The following TMEM43 variants were observed in gnomAD, a reference collection of about 807,000 sequenced individuals.
TMEM43 encodes the protein arrhythmogenic right ventricular dysplasia 5.
TMEM43 carries 45 observed loss-of-function variants against 49.6 expected under a neutral mutation model. The ratio of observed to expected loss-of-function variants is 0.91; its 90% CI spans 0.71 to 1.16. The LOEUF (loss-of-function observed/expected upper bound fraction) is 1.16. Among genes scored for constraint, TMEM43 ranks in the 50% most tolerant of loss-of-function variants. The pLI is 0.00. For missense variants in TMEM43, 532 were observed against 516.6 expected, an observed-to-expected ratio of 1.03 and a Z score of -0.29; for synonymous variants, 199 against 207.8, an observed-to-expected ratio of 0.96 and a Z score of 0.36.
rs1369999042 is a variant in TMEM43 at position 14,142,713 on chromosome 3, T to C, written c.*918T>C. The C allele has an allele frequency of 6.6e-6, 1 of 152,644 alleles. No individual in the cohort carries two copies. The highest frequency in any genetic ancestry group is 1.5e-5 in the Non-Finnish European group (1 of 68,040). 9.5% of individuals were successfully genotyped at this position (152,644 alleles called of 1,614,324 possible). The stretch of plus-strand genomic sequence containing the variant: ...CAGTATTTTGTGTCACTGAGAAGCT[T>C]TACAATGGATGCTTTTGAAACAAGT... On this transcript the variant is annotated 3_prime_UTR_variant, in exon 12 of 12. Transcript: ENST00000306077.
chr3:14,127,196 T>C (rs1214746056), intron 1 of TMEM43, among the ~76,000 whole-genome samples: 1 of 152,192 alleles, frequency 6.6e-6, no homozygotes, highest in African/African-American at 2.4e-5. Context: ...TATATAAATA[T>C]GTGTGGATAT....
rs1695264438 is a variant in TMEM43 at position 14,142,532 on chromosome 3, A to G, written c.*737A>G. ...TTCATGTGTACTTTCCTACCCCAAG[A>G]GGAAGTTTTCTGAAATAAGATTTAA... On this transcript the variant is annotated 3_prime_UTR_variant, in exon 12 of 12. Transcript: ENST00000306077. 6.6e-6 allele frequency: 1 copy of G among 152,596 alleles called. No homozygotes were observed. The highest frequency in any genetic ancestry group is 6.6e-5 in the Admixed American group (1 of 15,262). The allele number at this position is 152,596 out of a possible 1,614,324, so 9.5% of individuals were successfully genotyped here.
intron 6 of TMEM43, among the ~76,000 whole-genome samples, chr3:14,133,266 G>C (rs376544989): frequency 2.0e-5 from 3 of 152,208 alleles, no homozygotes; most frequent in African/African-American, 4.8e-5. Context: ...CAGAGGCAGC[G>C]GCATTTGTTC....
chr3:14,141,557 G>C, intron 11 of TMEM43, 36 bp from the exon 12 acceptor site: 1 of 1,528,650 alleles, frequency 6.5e-7, no homozygotes, highest in Non-Finnish European at 8.9e-7. Context: ...GAGGTGTAGA[G>C]CAGGTGGCAC....
In TMEM43 at chr3:14,139,434, C is replaced by A. The variant is rs1021707938; in HGVS notation, c.1000+137C>A. 1.1e-5 allele frequency: 8 copies of A among 724,740 alleles called. No homozygotes were observed. The East Asian group carries it at 2.1e-4, about 19-fold the overall frequency. The allele number at this position is 724,740 out of a possible 1,614,324, so 44.9% of individuals were successfully genotyped here. A position where few individuals can be genotyped will look rare whatever the true frequency, so the allele number is the denominator to read the frequency against. On this transcript the variant is annotated intron_variant, in intron 11 of 11. Coordinates refer to ENST00000306077, the MANE Select transcript of TMEM43 (RefSeq NM_024334.3). The stretch of plus-strand genomic sequence containing the variant: ...CCAGGCATTTGGCTCATCTCTGTGT[C>A]CCCGCTCCATAGCCTTGGGATGAGG...
chr3:14,136,164 A>G (rs1262121253), intron 10 of TMEM43, among the ~76,000 whole-genome samples: 2 of 152,216 alleles, frequency 1.3e-5, no homozygotes, highest in East Asian at 3.8e-4. Context: ...CTAAACACAG[A>G]ATCTATTTAT....
rs1458468961 is a variant in TMEM43, at chr3:14,129,486, G to A, written c.87G>A (p.Leu29=). 1 of 1,614,010 alleles carries A rather than the reference G, an allele frequency of 6.2e-7. No homozygotes were observed. Among genetic ancestry groups the A allele is most frequent in the Non-Finnish European group, 8.5e-7 (1 of 1,180,022 alleles). Reference sequence around the variant, plus strand: ...CCCAGCCAGGCTTCCTGGAACGGCTGAGCGAGACCTCGGGTGGGATGTTTG... The same window carrying A: ...CCCAGCCAGGCTTCCTGGAACGGCTAAGCGAGACCTCGGGTGGGATGTTTG... ...TSSQPGFLER[L]SETSGGMFVG... The change falls in exon 2 of 12, where the codon CTG becomes CTA. Residue 29 remains leucine, a synonymous_variant. Coordinates refer to ENST00000306077, the MANE Select transcript of TMEM43 (RefSeq NM_024334.3).
intron 6 of TMEM43, 123 bp from the exon 7 acceptor site, chr3:14,133,616 C>T (rs1189073091): frequency 6.8e-6 from 6 of 886,102 alleles, no homozygotes; most frequent in Non-Finnish European, 9.6e-6. Flanking sequence ...GTCTGCTGCG[C>T]CTGGGCTAAT....
chr3:14,131,468 T>C (rs761153056), intron 3 of TMEM43, 112 bp from the exon 4 acceptor site: 3 of 862,534 alleles, frequency 3.5e-6, no homozygotes, highest in Non-Finnish European at 5.8e-6. Context: ...TCTCCACCCT[T>C]GTCCCCTTCT....
At chr3:14,139,128 G>T in intron 10 of TMEM43, 52 bp from the exon 11 acceptor site, 2 of 1,349,964 alleles carry the variant, frequency 1.5e-6, no homozygotes, top group South Asian at 1.2e-5. Context: ...CCTGCCGACT[G>T]GGTACGCCAC....
chr3:14,131,370 A>C (rs748384779), intron 3 of TMEM43, among the ~76,000 whole-genome samples: 13 of 152,208 alleles, frequency 8.5e-5, no homozygotes, highest in Non-Finnish European at 1.6e-4. Context: ...CCAGGCCTGT[A>C]CTGTGAGGGT....
Position 14,136,567 on chromosome 3 carries a change from G to A in TMEM43, c.882+659G>A, listed in dbSNP as rs913872740. On this transcript the variant is annotated intron_variant, in intron 10 of 11. Coordinates refer to ENST00000306077, the MANE Select transcript of TMEM43 (RefSeq NM_024334.3). ...CCTCTGACAAGTGAGTTTTGCTGAC[G>A]AGAAGGGGTTAACCCTAGAAGAATC... Among the ~76,000 whole-genome samples the A allele has an allele frequency of 1.2e-4, 18 of 152,310 alleles. 1 individual carries two copies. The South Asian group carries it at 3.7e-3, about 32-fold the overall frequency.
intron 10 of TMEM43, among the ~76,000 whole-genome samples, chr3:14,136,600 A>C (rs1695173101): frequency 6.6e-6 from 1 of 152,150 alleles, no homozygotes; most frequent in South Asian, 2.1e-4. Context: ...ATCAGTGATC[A>C]GTCAGTTCCA....
chr3:14,139,174 C>T lies in TMEM43; in HGVS notation c.883-6C>T. The T allele has an allele frequency of 6.2e-7, 1 of 1,609,728 alleles. No individual in the cohort carries two copies. The highest frequency in any genetic ancestry group is 8.5e-7 in the Non-Finnish European group (1 of 1,175,978). On this transcript the variant is annotated splice_region_variant and splice_polypyrimidine_tract_variant and intron_variant, in intron 10 of 11. Coordinates refer to ENST00000306077, the MANE Select transcript of TMEM43 (RefSeq NM_024334.3). ...CATCCTGACCTGCCCCCACCTTGTC[C>T]TGCAGGAGGTGTTTCATAGAGAACT...
intron 7 of TMEM43, 136 bp from the exon 8 acceptor site, chr3:14,134,634 C>T: frequency 8.4e-7 from 1 of 1,185,636 alleles, no homozygotes; most frequent in East Asian, 2.4e-5. Context: ...GAGACAGAGT[C>T]AGAAAGAGGC....
chr3:14,141,805 G>C lies in TMEM43; in HGVS notation c.*10G>C. On this transcript the variant is annotated 3_prime_UTR_variant, in exon 12 of 12. Transcript: ENST00000306077. Reference sequence around the variant, plus strand: ...CAAAAAGTTGGAGTGAAAAGACCCTGGCACCCGCCCGACACCTGCGTGAGC... The same window carrying C: ...CAAAAAGTTGGAGTGAAAAGACCCTCGCACCCGCCCGACACCTGCGTGAGC... 1 of 1,611,138 alleles carries C rather than the reference G, an allele frequency of 6.2e-7. No individual in the cohort carries two copies.
At chr3:14,140,413 A>T (rs1379406966) in intron 11 of TMEM43, among the ~76,000 whole-genome samples, 1 of 151,984 alleles carries the variant, frequency 6.6e-6, no homozygotes, top group Non-Finnish European at 1.5e-5. Context: ...CTCAGGACAG[A>T]CTTAGAGTGT....
At chr3:14,127,183 G>A (rs1291829743) in intron 1 of TMEM43, among the ~76,000 whole-genome samples, 1 of 152,110 alleles carries the variant, frequency 6.6e-6, no homozygotes, top group African/African-American at 2.4e-5. Context: ...CATACTATAT[G>A]TATATATAAA....
At chr3:14,134,975 C>A in intron 8 of TMEM43, 84 bp downstream of exon 8, 1 of 1,596,818 alleles carries the variant, frequency 6.3e-7, no homozygotes, top group South Asian at 1.1e-5. Context: ...TCAGTTCAGT[C>A]GCATGCACAG....
Sources: gnomAD v4.1 joint callset for allele counts (sites outside exome capture counted in the v4.1 genomes callset) on GRCh38, gnomAD v4.1.1 for gene constraint, MANE v1.5 for transcripts, NCBI Gene and HGNC (gene_info 2026-07-23, HGNC 2026-07-21) for gene names.